The following PIAS1 variants were observed in gnomAD, a reference collection of about 807,000 sequenced individuals.
PIAS1 encodes protein inhibitor of activated STAT 1.
In PIAS1, 6 loss-of-function variants were observed where a neutral mutation model predicts 71.3. The ratio of observed to expected loss-of-function variants is 0.08; its 90% CI spans 0.05 to 0.17. The LOEUF is 0.17. Ranked by LOEUF, PIAS1 falls within the 10% of genes least tolerant of loss-of-function variation. The probability of loss-of-function intolerance (pLI) is 1.00; values close to 1 mark genes in which losing one functional copy is unlikely to be tolerated. For missense variants in PIAS1, 555 were observed against 793.6 expected, an observed-to-expected ratio of 0.70 and a Z score of 3.61; for synonymous variants, 303 against 292.9, an observed-to-expected ratio of 1.03 and a Z score of -0.35.
chr15:68,129,488 A>C (rs1241914187), intron 2 of PIAS1, among the ~76,000 whole-genome samples: 2 of 152,196 alleles, frequency 1.3e-5, no homozygotes, highest in Non-Finnish European at 2.9e-5. Context: ...TACTAAAACA[A>C]AGATTTTTAA....
In PIAS1 at chr15:68,175,665, A is replaced by G. The variant is rs2093016328; in HGVS notation, c.1198A>G (p.Thr400Ala). Residue 400 changes from threonine to alanine, a missense_variant, in exon 10 of 14, where the codon ACA (threonine) becomes GCA (alanine). By Grantham distance (58) the Thr-to-Ala change is moderately conservative. Transcript: ENST00000249636. ...GLFMEILKYC[T>A]DCDEIQFKED... is the part of the protein sequence containing the mutation. ...GTTTATGGAAATCCTAAAGTACTGT[A>G]CAGACTGTGATGAAATACAATTTAA... The G allele has an allele frequency of 6.3e-7, 1 of 1,581,406 alleles. No homozygotes were observed. Among genetic ancestry groups the G allele is most frequent in the South Asian group, 1.1e-5 (1 of 87,968 alleles).
intron 1 of PIAS1, among the ~76,000 whole-genome samples, chr15:68,056,801 A>C (rs980936797): frequency 3.3e-5 from 5 of 152,190 alleles, no homozygotes; most frequent in Non-Finnish European, 7.3e-5. Flanking sequence ...TTTTCTGTGC[A>C]GTAAGGTTTG....
At chr15:68,099,232 T>C (rs1162399174) in intron 2 of PIAS1, among the ~76,000 whole-genome samples, 1 of 151,482 alleles carries the variant, frequency 6.6e-6, no homozygotes, top group Non-Finnish European at 1.5e-5. Flanking sequence ...TCACTCAGGC[T>C]GGGTGACTAT....
intron 2 of PIAS1, among the ~76,000 whole-genome samples, chr15:68,090,723 A>G (rs951056629): frequency 6.6e-6 from 1 of 152,132 alleles, no homozygotes; most frequent in African/African-American, 2.4e-5. Flanking sequence ...GAAGAATGGT[A>G]TTCTTCCTCT....
chr15:68,097,702 G>A (rs1369734667), intron 2 of PIAS1, among the ~76,000 whole-genome samples: 1 of 152,060 alleles, frequency 6.6e-6, no homozygotes, highest in African/African-American at 2.4e-5. Context: ...CAAAGTGCTG[G>A]GATTACAGGT....
chr15:68,072,261 G>T (rs947616082), intron 1 of PIAS1, among the ~76,000 whole-genome samples: 10 of 151,516 alleles, frequency 6.6e-5, no homozygotes, highest in African/African-American at 2.4e-4. Context: ...TTAGCTGGGC[G>T]TGGTGGCGGG....
chr15:68,176,374 A>G (rs560747838), intron 10 of PIAS1, 100 bp from the exon 11 acceptor site: 1 of 682,214 alleles, frequency 1.5e-6, no homozygotes, highest in East Asian at 2.9e-5. Context: ...CTCCAACAAT[A>G]TTGTGAATCT....
chr15:68,115,944 A>G (rs549610684), intron 2 of PIAS1, among the ~76,000 whole-genome samples: 3 of 152,170 alleles, frequency 2.0e-5, no homozygotes, highest in African/African-American at 7.2e-5. Context: ...AGTTTTATTA[A>G]GAGTGTTTGC....
chr15:68,058,681 G>A (rs1358731990), intron 1 of PIAS1, among the ~76,000 whole-genome samples: 1 of 152,136 alleles, frequency 6.6e-6, no homozygotes, highest in Admixed American at 6.5e-5. Flanking sequence ...TTGTTAGTTG[G>A]AATCATACAC....
rs2092906377 is a variant in PIAS1, at chr15:68,158,670, A to G, written c.934+4975A>G. On this transcript the variant is annotated intron_variant, in intron 7 of 13. Coordinates refer to ENST00000249636, the MANE Select transcript of PIAS1 (RefSeq NM_016166.3). ...GATGAAAAGACAGCTACAGAAAAAA[A>G]TCAGGTCTTGGTGCCTGTTTCTTTG... 2.0e-5 allele frequency among the ~76,000 whole-genome samples: 3 copies of G among 152,214 alleles called. No individual in the cohort carries two copies. The South Asian group carries it at 6.2e-4, about 31-fold the overall frequency.
intron 1 of PIAS1, among the ~76,000 whole-genome samples, chr15:68,079,447 A>G (rs2092205440): frequency 6.6e-6 from 1 of 152,064 alleles, no homozygotes; most frequent in African/African-American, 2.4e-5. Context: ...TTAAAATTAA[A>G]CTAAGCCCTT....
At chr15:68,183,808 T>G (rs1310450745) in intron 13 of PIAS1, 141 bp downstream of exon 13, 1 of 534,218 alleles carries the variant, frequency 1.9e-6, no homozygotes, top group Non-Finnish European at 3.5e-6. Flanking sequence ...CTACATCAAT[T>G]ATAGCCATGG....
intron 2 of PIAS1, among the ~76,000 whole-genome samples, chr15:68,105,751 G>A (rs1311011337): frequency 6.6e-6 from 1 of 152,008 alleles, no homozygotes; most frequent in Non-Finnish European, 1.5e-5. Context: ...CATGAGAGTC[G>A]GTTGAGCCCA....
At chr15:68,109,477 A>C (rs904494125) in intron 2 of PIAS1, among the ~76,000 whole-genome samples, 2 of 152,190 alleles carry the variant, frequency 1.3e-5, no homozygotes, top group African/African-American at 4.8e-5. Context: ...CTCAGTAAAT[A>C]TTAGTTGAGT....
At chr15:68,060,502 A>T (rs1042703286) in intron 1 of PIAS1, among the ~76,000 whole-genome samples, 3 of 147,728 alleles carry the variant, frequency 2.0e-5, no homozygotes, top group Non-Finnish European at 4.5e-5. Context: ...AATCTCAGCT[A>T]CTCAGGAGGC....
intron 2 of PIAS1, among the ~76,000 whole-genome samples, chr15:68,097,280 A>G (rs1412713570): frequency 6.6e-6 from 1 of 152,086 alleles, no homozygotes; most frequent in African/African-American, 2.4e-5. Flanking sequence ...TTCATATGCT[A>G]TTGAATTTGA....
rs1474710567 is a variant in PIAS1 at position 68,086,711 on chromosome 15, T to C, written c.430T>C (p.Tyr144His). The change falls in exon 2 of 14, where the codon TAT (tyrosine) becomes CAT (histidine). Residue 144 changes from tyrosine (Y) to histidine (H), a missense_variant. Tyr to His is a moderately conservative substitution (Grantham distance 83). This residue lies in a region of PIAS1 where 134 missense variants were observed against 203.4 expected (regional missense o/e 0.66). Coordinates refer to ENST00000249636, the MANE Select transcript of PIAS1 (RefSeq NM_016166.3). The surrounding 1 kb of genome is among the most constrained non-coding windows in gnomAD (Gnocchi z 7.2). ...PDIKLQKLPFYDLLDELIKPT... is the reference protein window; with the variant it reads ...PDIKLQKLPFHDLLDELIKPT... ...TATAAAACTTCAAAAATTACCATTTTATGATTTACTGGATGAACTGATAAA... is the reference window on the plus strand; with the variant it reads ...TATAAAACTTCAAAAATTACCATTTCATGATTTACTGGATGAACTGATAAA... The C allele has an allele frequency of 1.7e-5, 27 of 1,612,888 alleles. No homozygotes were observed. The highest frequency in any genetic ancestry group is 2.1e-5 in the Non-Finnish European group (25 of 1,179,002).
At chr15:68,066,941 T>A (rs2092035671) in intron 1 of PIAS1, among the ~76,000 whole-genome samples, 1 of 152,204 alleles carries the variant, frequency 6.6e-6, no homozygotes, top group Non-Finnish European at 1.5e-5. Context: ...GTAGGTCTGG[T>A]CTGTCCATTT....
chr15:68,153,799 C>T, intron 7 of PIAS1, 104 bp downstream of exon 7: 1 of 650,802 alleles, frequency 1.5e-6, no homozygotes, highest in Non-Finnish European at 2.8e-6. Flanking sequence ...TCACTGGAGC[C>T]TGTTGTGTAG....
Sources: allele counts gnomAD v4.1 joint callset (sites outside exome capture counted in the v4.1 genomes callset), GRCh38; gene constraint gnomAD v4.1.1; regional missense constraint gnomAD v4.1.1; non-coding constraint Gnocchi (gnomAD v3.1); transcripts MANE v1.5; gene names NCBI Gene and HGNC (gene_info 2026-07-23, HGNC 2026-07-21).